GVQW3: variants seen among roughly 807,000 people sequenced by gnomAD.
GVQW3 encodes the protein GVQW motif containing 3, also known as protein GVQW3.
Under a neutral mutation model 12.5 loss-of-function variants are expected in GVQW3, and 7 were observed. That is an observed-to-expected ratio of 0.56 (90% confidence interval 0.32 to 1.05). GVQW3 has a LOEUF of 1.05. Ranked by LOEUF, GVQW3 falls within the 50% of genes least tolerant of loss-of-function variation. The probability of loss-of-function intolerance (pLI) is 0.04; values close to 1 mark genes in which losing one functional copy is unlikely to be tolerated. For synonymous variants in GVQW3, 71 were observed against 67.2 expected (o/e 1.06, Z -0.28); for missense variants, 188 against 190.8 (o/e 0.99, Z 0.09).
At chr11:76,402,127 G>A (rs1946995468) in intron 1 of GVQW3, among the ~76,000 whole-genome samples, 1 of 152,116 alleles carries the variant, frequency 6.6e-6, no homozygotes, top group Non-Finnish European at 1.5e-5. Context: ...CAGCCCTCAG[G>A]ATCTATATCT....
chr11:76,390,090 C>G (rs1205592735), intron 1 of GVQW3: 1 of 152,150 alleles, frequency 6.6e-6, no homozygotes, highest in Non-Finnish European at 1.5e-5. Context: ...AAAATGTGTA[C>G]TTAATCTTTG....
chr11:76,382,161 CTT>C lies in GVQW3; in HGVS notation c.334_335del (p.Leu112GlufsTer17). 1 of 1,536,222 alleles carries C rather than the reference CTT, an allele frequency of 6.5e-7. No homozygotes were observed. Among genetic ancestry groups the C allele is most frequent in the Non-Finnish European group, 8.7e-7 (1 of 1,146,934 alleles). Reference protein sequence around the residue: ...ETVRLILKENLNMRKISAKVI... With the variant: ...ETVRLILKENXNMRKISAKVI... ...CTGTTAGGCTCATTTTGAAAGAAAA[CTT>C]GAACATGAGGAAGATTTCTGCAAAA... On this transcript the variant is annotated frameshift_variant, in exon 1 of 2. Transcript: ENST00000529331. LOFTEE classifies it high-confidence loss of function.
intron 1 of GVQW3, among the ~76,000 whole-genome samples, chr11:76,391,841 C>G (rs999448427): frequency 6.6e-6 from 1 of 152,218 alleles, no homozygotes; most frequent in Non-Finnish European, 1.5e-5. Flanking sequence ...GTAATCCCAG[C>G]TACTCAGGAG....
chr11:76,396,596 T>G lies in GVQW3; in HGVS notation c.466-7064T>G, dbSNP rs572873865. ...TCCTAAAGTGCTGAGATTACAGGCA[T>G]GAGCCACCATGCCTGGGCTCAAATT... On this transcript the variant is annotated intron_variant, in intron 1 of 1. Transcript: ENST00000529331. 3.9e-5 allele frequency among the ~76,000 whole-genome samples: 6 copies of G among 152,350 alleles called. No individual in the cohort carries two copies. In the South Asian group the frequency reaches 1.2e-3, roughly 32 times the overall value.
In GVQW3 at chr11:76,403,952, C is replaced by T. The variant is rs765945158; in HGVS notation, c.*194C>T. The T allele has an allele frequency of 4.2e-5, 29 of 697,808 alleles. No homozygotes were observed. In the East Asian group the frequency reaches 6.8e-4, roughly 16 times the overall value. The allele number at this position is 697,808 out of a possible 1,614,324, so 43.2% of individuals were successfully genotyped here. A position where few individuals can be genotyped will look rare whatever the true frequency, so the allele number is the denominator to read the frequency against. On this transcript the variant is annotated 3_prime_UTR_variant, in exon 2 of 2. Coordinates refer to ENST00000529331, the MANE Select transcript of GVQW3 (RefSeq NM_001347885.2). ...CAATGAATTGGATGATGTCCATGCA[C>T]ATTAGGGAGGGCTGCCTCTTCATTA...
chr11:76,400,885 C>G (rs563823343), intron 1 of GVQW3, among the ~76,000 whole-genome samples: 15 of 152,162 alleles, frequency 9.9e-5, no homozygotes, highest in African/African-American at 2.9e-4. Flanking sequence ...TCAGCTAGCT[C>G]GAATATGTAG....
At chr11:76,398,184 A>G (rs1590821851) in intron 1 of GVQW3, among the ~76,000 whole-genome samples, 1 of 152,112 alleles carries the variant, frequency 6.6e-6, no homozygotes, top group Admixed American at 6.6e-5. Context: ...GTAACAACCA[A>G]TTCTCAAAAT....
At chr11:76,402,929 T>C (rs1156508591) in intron 1 of GVQW3, among the ~76,000 whole-genome samples, 2 of 150,682 alleles carry the variant, frequency 1.3e-5, no homozygotes, top group African/African-American at 4.9e-5. Flanking sequence ...TAGACATTTA[T>C]TAATTTGTTT....
At chr11:76,398,170 G>A (rs1946956906) in intron 1 of GVQW3, among the ~76,000 whole-genome samples, 1 of 151,580 alleles carries the variant, frequency 6.6e-6, no homozygotes, top group Admixed American at 6.6e-5. Flanking sequence ...GAAAATGACT[G>A]TGTGTAACAA....
At position 76,406,757 on chromosome 11, in the gene GVQW3, C is replaced by T. The variant is rs1291084833; in HGVS notation, c.*2999C>T. ...GGCGTGGTGGCTCACGCCTGTAATC[C>T]CAGCACTTTAGGAGGCCAAGGCGGG... is the stretch of plus-strand genomic sequence containing the variant. On this transcript the variant is annotated 3_prime_UTR_variant, in exon 2 of 2. Transcript: ENST00000529331. 6.6e-6 allele frequency: 1 copy of T among 152,202 alleles called. No homozygotes were observed. Among genetic ancestry groups the T allele is most frequent in the Non-Finnish European group, 1.5e-5 (1 of 68,054 alleles). 9.4% of individuals were successfully genotyped at this position (152,202 alleles called of 1,614,324 possible).
At chr11:76,398,592 T>A (rs901560017) in intron 1 of GVQW3, among the ~76,000 whole-genome samples, 1 of 151,974 alleles carries the variant, frequency 6.6e-6, no homozygotes, top group Non-Finnish European at 1.5e-5. Context: ...GGATTACAGG[T>A]GTGAGCCACT....
intron 1 of GVQW3, among the ~76,000 whole-genome samples, chr11:76,390,863 T>G (rs977978268): frequency 5.3e-5 from 8 of 151,742 alleles, no homozygotes; most frequent in African/African-American, 1.9e-4. Flanking sequence ...TAAAAATATC[T>G]ATGTTAGATA....
Position 76,407,648 on chromosome 11 carries a change from A to G in GVQW3, c.*3890A>G, listed in dbSNP as rs1947055112. ...TAGGAATCTTCTAGGACGATTTCTT[A>G]GGAATCTTTCTTAGGAAAACAGTCA... On this transcript the variant is annotated 3_prime_UTR_variant, in exon 2 of 2. Transcript: ENST00000529331. The G allele has an allele frequency of 1.4e-5, 2 of 147,746 alleles. No homozygotes were observed. Among genetic ancestry groups the G allele is most frequent in the African/African-American group, 5.2e-5 (2 of 38,704 alleles). The allele number at this position is 147,746 out of a possible 1,614,324, so 9.2% of individuals were successfully genotyped here.
At chr11:76,391,597 T>C (rs1946892732) in intron 1 of GVQW3, among the ~76,000 whole-genome samples, 1 of 152,192 alleles carries the variant, frequency 6.6e-6, no homozygotes, top group Admixed American at 6.5e-5. Flanking sequence ...CAGCCAGAAG[T>C]CCACTCCTAG....
At chr11:76,402,417 G>A (rs1342067168) in intron 1 of GVQW3, among the ~76,000 whole-genome samples, 2 of 151,990 alleles carry the variant, frequency 1.3e-5, no homozygotes, top group African/African-American at 4.8e-5. Flanking sequence ...GCTGGGTGTG[G>A]TGGTGCGTGC....
In GVQW3 at chr11:76,407,168, G is replaced by T. The variant is rs1168078039; in HGVS notation, c.*3410G>T. On this transcript the variant is annotated 3_prime_UTR_variant, in exon 2 of 2. Transcript: ENST00000529331. ...ACATTATGAAAAGGATGCTGGACTT[G>T]GTAAAGATACAAATGGGCTTATAAT... is the stretch of plus-strand genomic sequence containing the variant. 3 of 152,102 alleles carry T rather than the reference G, an allele frequency of 2.0e-5. No homozygotes were observed. Among genetic ancestry groups the T allele is most frequent in the Non-Finnish European group, 4.4e-5 (3 of 68,018 alleles). 9.4% of individuals were successfully genotyped at this position (152,102 alleles called of 1,614,324 possible).
At chr11:76,410,932 C>T (rs961846013), downstream of GVQW3, 1 of 152,198 alleles carries the variant, frequency 6.6e-6, no homozygotes, top group African/African-American at 2.4e-5. Context: ...TATGGGACTT[C>T]AGGGAATGAA....
intron 1 of GVQW3, chr11:76,382,560 C>T (rs560571393): frequency 1.3e-5 from 8 of 599,278 alleles, no homozygotes; most frequent in South Asian, 1.2e-4. Context: ...CCACTCCTCC[C>T]TATGTGCCAT....
rs36229661 is a variant in GVQW3, at chr11:76,407,576, CAAAAAAAAAAAAAAA to C, written c.*3831_*3845del. 1 of 88,552 alleles carries C rather than the reference CAAAAAAAAAAAAAAA, an allele frequency of 1.1e-5. No homozygotes were observed. The highest frequency in any genetic ancestry group is 4.1e-5 in the African/African-American group (1 of 24,554). The allele number at this position is 88,552 out of a possible 1,614,324, so 5.5% of individuals were successfully genotyped here. A position where few individuals can be genotyped will look rare whatever the true frequency, so the allele number is the denominator to read the frequency against. On this transcript the variant is annotated 3_prime_UTR_variant, in exon 2 of 2. Coordinates refer to ENST00000529331, the MANE Select transcript of GVQW3 (RefSeq NM_001347885.2). ...TGGGCGGCAGAGCAAGACTCCCTCT[CAAAAAAAAAAAAAAA>C]AAAAAAAAAAAAGAATTTAAGCCAG...
Sources: allele counts gnomAD v4.1 joint callset (sites outside exome capture counted in the v4.1 genomes callset), GRCh38; gene constraint gnomAD v4.1.1; transcripts MANE v1.5; gene names NCBI Gene and HGNC (gene_info 2026-07-23, HGNC 2026-07-21).